NAV2: variants seen among roughly 807,000 people sequenced by gnomAD.
NAV2 encodes helicase, APC down-regulated 1.
A neutral mutation model predicts 223.2 loss-of-function variants in NAV2; 54 were observed. The ratio of observed to expected loss-of-function variants is 0.24; its 90% confidence interval spans 0.19 to 0.30. NAV2 has a LOEUF of 0.30. Ranked by LOEUF, NAV2 falls within the 10% of genes least tolerant of loss-of-function variation. The pLI is 1.00. For missense variants in NAV2, 2,806 were observed against 3,147.5 expected (o/e 0.89, Z 2.60); for synonymous variants, 1,279 against 1,239.3 (o/e 1.03, Z -0.67).
chr11:19,870,929 CTT>C (rs1486383007), intron 4 of NAV2, among the ~76,000 whole-genome samples: 1 of 152,108 alleles, frequency 6.6e-6, no homozygotes, highest in Admixed American at 6.5e-5. Context: ...GGTTTAAACT[CTT>C]TGTCACCTGG....
chr11:19,952,339 C>A (rs1258084688), intron 10 of NAV2, among the ~76,000 whole-genome samples: 1 of 152,190 alleles, frequency 6.6e-6, no homozygotes, highest in Non-Finnish European at 1.5e-5. Flanking sequence ...ATTTGACTTC[C>A]CTGAGCTTTG....
At chr11:19,613,366 C>T (rs967547031) in intron 1 of NAV2, among the ~76,000 whole-genome samples, 8 of 152,190 alleles carry the variant, frequency 5.3e-5, no homozygotes, top group African/African-American at 1.9e-4. Flanking sequence ...CTTTTATTAT[C>T]ATTCTAAATA....
chr11:19,869,655 G>A (rs547274689), intron 4 of NAV2, among the ~76,000 whole-genome samples: 6 of 152,290 alleles, frequency 3.9e-5, no homozygotes, highest in African/African-American at 1.4e-4. Flanking sequence ...ACAAGCAGCT[G>A]CCAGCTCAGA....
chr11:19,975,330 C>G (rs2568121), intron 10 of NAV2, among the ~76,000 whole-genome samples: 151,002 of 152,354 alleles, frequency 0.99, 74,844 homozygotes, highest in East Asian at 1. Context: ...TTTTACATAT[C>G]TCTATTGGTT....
At chr11:20,056,039 A>G in intron 19 of NAV2, 82 bp downstream of exon 19, 1 of 1,335,524 alleles carries the variant, frequency 7.5e-7, no homozygotes, top group Non-Finnish European at 1.0e-6. Flanking sequence ...CTCTATGCTA[A>G]GTTCACTTCC....
intron 32 of NAV2, among the ~76,000 whole-genome samples, chr11:20,101,965 T>C (rs2061672535): frequency 6.6e-6 from 1 of 152,164 alleles, no homozygotes; most frequent in African/African-American, 2.4e-5. Context: ...TCACCTAGTG[T>C]GCTTGAAGAT....
At chr11:20,063,232 G>T (rs1591930680) in intron 20 of NAV2, among the ~76,000 whole-genome samples, 1 of 152,250 alleles carries the variant, frequency 6.6e-6, no homozygotes, top group Admixed American at 6.5e-5. Context: ...AGTACACACA[G>T]CTCAGAGCAA....
At chr11:19,488,535 C>G (rs1216472563) in intron 1 of NAV2, among the ~76,000 whole-genome samples, 1 of 152,170 alleles carries the variant, frequency 6.6e-6, no homozygotes, top group East Asian at 1.9e-4. Context: ...GGGTTAGCAT[C>G]TCACTTTTGT....
intron 1 of NAV2, among the ~76,000 whole-genome samples, chr11:19,655,440 G>T (rs9736469): frequency 3.0e-4 from 45 of 152,134 alleles, no homozygotes; most frequent in African/African-American, 1.0e-3. Flanking sequence ...GATACATGCA[G>T]ACGTATGTTT....
intron 11 of NAV2, among the ~76,000 whole-genome samples, chr11:19,991,818 T>C (rs1353768232): frequency 2.6e-5 from 4 of 152,174 alleles, no homozygotes; most frequent in Non-Finnish European, 4.4e-5. Context: ...CGTATTATTT[T>C]GTCTTCATCT....
rs563624744 is a variant in NAV2 at position 19,842,905 on chromosome 11, G to A, written c.420G>A (p.Pro140=). The A allele has an allele frequency of 3.8e-5, 61 of 1,613,920 alleles. No homozygotes were observed. The East Asian group carries it at 9.4e-4, about 25-fold the overall frequency. Residue 140 remains proline (P), a synonymous_variant, in exon 3 of 38, where the codon CCG becomes CCA. Coordinates refer to ENST00000349880, the MANE Select transcript of NAV2 (RefSeq NM_145117.5). ...AGATTGAAGACATCAATGGCTGTCC[G>A]AAGAACAGATCCCAAATGGTAAGTG... The part of the protein sequence containing the change: ...NEKIEDINGC[P]KNRSQMIENI...
chr11:19,458,242 C>A (rs988224276), intron 1 of NAV2, among the ~76,000 whole-genome samples: 2 of 152,242 alleles, frequency 1.3e-5, no homozygotes, highest in Non-Finnish European at 2.9e-5. Context: ...CCAGTGACAG[C>A]CACACTGTAG....
chr11:20,080,056 G>A lies in NAV2; in HGVS notation c.5180-8G>A. On this transcript the variant is annotated splice_region_variant and splice_polypyrimidine_tract_variant and intron_variant, in intron 24 of 37. Coordinates refer to ENST00000349880, the MANE Select transcript of NAV2 (RefSeq NM_145117.5). ...GCAGCTGCTGAAACACCCTGCCTTG[G>A]TCTCCAGGAAACGGCACTGCCCAGT... 6.2e-7 allele frequency: 1 copy of A among 1,613,058 alleles called. No individual in the cohort carries two copies. Among genetic ancestry groups the A allele is most frequent in the Non-Finnish European group, 8.5e-7 (1 of 1,179,900 alleles).
At chr11:19,354,893 C>T (rs1853527152) in intron 1 of NAV2, among the ~76,000 whole-genome samples, 1 of 152,134 alleles carries the variant, frequency 6.6e-6, no homozygotes, top group African/African-American at 2.4e-5. Flanking sequence ...TCATTCAGAG[C>T]TCTCAAAGCT....
chr11:19,949,058 C>A lies in NAV2; in HGVS notation c.2623C>A (p.Arg875=), dbSNP rs374226697. ...CGGGGATGTTCTGAGCAAGAACATC[C>A]GGACCGATGACATTACAAGCGGGTA... ...SDGDVLSKNI[R]TDDITSGYMT... The change falls in exon 10 of 38, where the codon CGG becomes AGG. Residue 875 remains arginine (R), a synonymous_variant. Coordinates refer to ENST00000349880, the MANE Select transcript of NAV2 (RefSeq NM_145117.5). 6.2e-7 allele frequency: 1 copy of A among 1,609,312 alleles called. No individual in the cohort carries two copies. Among genetic ancestry groups the A allele is most frequent in the Non-Finnish European group, 8.5e-7 (1 of 1,176,936 alleles).
rs72925473 is a variant in NAV2, at chr11:20,093,381, C to T, written c.5916+182C>T. 4.6e-3 allele frequency among the ~76,000 whole-genome samples: 705 copies of T among 152,272 alleles called. 3 individuals carry two copies. In the Middle Eastern group the frequency reaches 0.065, roughly 14 times the overall value. On this transcript the variant is annotated intron_variant, in intron 29 of 37. Coordinates refer to ENST00000349880, the MANE Select transcript of NAV2 (RefSeq NM_145117.5). ...TTCTGACACAAGTAAAGTGTGCGAA[C>T]GGCATTTCCCTTTCTCGTGTGCTTG... is the stretch of plus-strand genomic sequence containing the variant.
At chr11:19,838,045 G>A (rs906616285) in intron 2 of NAV2, among the ~76,000 whole-genome samples, 1 of 152,168 alleles carries the variant, frequency 6.6e-6, no homozygotes, top group African/African-American at 2.4e-5. Flanking sequence ...AAGGAGGGGA[G>A]GAGAGGGAGA....
intron 3 of NAV2, among the ~76,000 whole-genome samples, chr11:19,849,098 A>G (rs1470913914): frequency 1.3e-5 from 2 of 152,140 alleles, no homozygotes; most frequent in Admixed American, 1.3e-4. Flanking sequence ...CAATCACTCA[A>G]AACAGCCCTA....
intron 1 of NAV2, among the ~76,000 whole-genome samples, chr11:19,556,219 AAG>A: frequency 6.6e-6 from 1 of 152,368 alleles, no homozygotes; most frequent in South Asian, 2.1e-4. Flanking sequence ...TCATTTGTAA[AAG>A]TGACAGGTTC....
Sources: gnomAD v4.1 joint callset for allele counts (sites outside exome capture counted in the v4.1 genomes callset) on GRCh38, gnomAD v4.1.1 for gene constraint, MANE v1.5 for transcripts, NCBI Gene and HGNC (gene_info 2026-07-23, HGNC 2026-07-21) for gene names.